Variants in TENM2 observed in about 807,000 individuals in gnomAD.
TENM2 encodes the protein teneurin-2.
In TENM2, 52 loss-of-function variants were observed where a neutral mutation model predicts 245.2. The observed-to-expected ratio is 0.21, with a 90% CI of 0.17 to 0.27. TENM2 has a LOEUF of 0.27. Ranked by LOEUF, TENM2 falls within the 10% of genes least tolerant of loss-of-function variation. The probability of loss-of-function intolerance (pLI) is 1.00; values close to 1 mark genes in which losing one functional copy is unlikely to be tolerated. For synonymous variants in TENM2, 1,363 were observed against 1,438.9 expected, an observed-to-expected ratio of 0.95 and a Z score of 1.19; for missense variants, 3,046 against 3,666.8, an observed-to-expected ratio of 0.83 and a Z score of 4.37.
chr5:168,125,225 G>A (rs1021856539), intron 11 of TENM2, among the ~76,000 whole-genome samples, 175 bp downstream of exon 13: 1 of 152,122 alleles, frequency 6.6e-6, no homozygotes. Flanking sequence ...TGTGATCTTT[G>A]AGAAACAAAC....
chr5:167,985,951 T>C (rs1180367138), intron 4 of TENM2, among the ~76,000 whole-genome samples: 1 of 152,248 alleles, frequency 6.6e-6, no homozygotes, highest in African/African-American at 2.4e-5. Context: ...CCACTCTAGA[T>C]TAGTCAAGCT....
At chr5:167,457,140 A>G (rs750137947) in intron 2 of TENM2, among the ~76,000 whole-genome samples, 8 of 152,136 alleles carry the variant, frequency 5.3e-5, no homozygotes, top group Non-Finnish European at 1.0e-4. Flanking sequence ...TATCTCTATC[A>G]GTCCCCTCTA....
chr5:167,640,477 G>A (rs1779482674), intron 2 of TENM2, among the ~76,000 whole-genome samples: 1 of 152,004 alleles, frequency 6.6e-6, no homozygotes, highest in Admixed American at 6.6e-5. Flanking sequence ...AATTAGCCAG[G>A]TGTGGTGGCA....
chr5:167,773,259 T>C (rs1763522310), intron 2 of TENM2, among the ~76,000 whole-genome samples: 2 of 152,160 alleles, frequency 1.3e-5, no homozygotes, highest in African/African-American at 4.8e-5. Flanking sequence ...TTTAAAGATA[T>C]CAAGACTTCA....
intron 2 of TENM2, among the ~76,000 whole-genome samples, chr5:167,637,105 T>C (rs1020182590): frequency 2.6e-5 from 4 of 152,168 alleles, no homozygotes; most frequent in Non-Finnish European, 5.9e-5. Context: ...ACGGCTACTG[T>C]AAATGTTAAA....
chr5:167,616,777 A>AGGG (rs1165523433), intron 2 of TENM2, among the ~76,000 whole-genome samples: 1 of 152,082 alleles, frequency 6.6e-6, no homozygotes, highest in Non-Finnish European at 1.5e-5. Context: ...ATTTACTCAA[A>AGGG]CATAAAAAGG....
At chr5:167,152,077 C>T in the TENM2 span, among the ~76,000 whole-genome samples, 5 of 152,148 alleles carry the variant, frequency 3.3e-5, no homozygotes, top group African/African-American at 1.2e-4. Flanking sequence ...AAATTTGCCA[C>T]TTTTTTGTCA....
chr5:167,427,225 C>G (rs575939559), intron 2 of TENM2, among the ~76,000 whole-genome samples: 5 of 152,086 alleles, frequency 3.3e-5, no homozygotes, highest in South Asian at 4.2e-4. Flanking sequence ...AGGCCAAGGT[C>G]GTGGATCACC....
chr5:167,991,768 G>A (rs1043667715), intron 4 of TENM2, among the ~76,000 whole-genome samples: 3 of 152,190 alleles, frequency 2.0e-5, no homozygotes, highest in African/African-American at 7.2e-5. Context: ...TCTCAGAACA[G>A]GAATCAGGAT....
chr5:167,134,644 G>A, the TENM2 span, among the ~76,000 whole-genome samples: 2 of 152,266 alleles, frequency 1.3e-5, no homozygotes, highest in South Asian at 4.1e-4. Flanking sequence ...TTATTTAGAA[G>A]TTAGAGACCT....
At chr5:168,168,787 C>G (rs1319523426) in intron 13 of TENM2, among the ~76,000 whole-genome samples, 2 of 151,822 alleles carry the variant, frequency 1.3e-5, no homozygotes, top group Non-Finnish European at 2.9e-5. Context: ...GGAGAGTTGG[C>G]TGATGTTTGT....
intron 2 of TENM2, among the ~76,000 whole-genome samples, chr5:167,558,125 C>G (rs981843994): frequency 3.9e-5 from 6 of 152,154 alleles, no homozygotes; most frequent in Non-Finnish European, 7.4e-5. Context: ...CCCGTCAGAA[C>G]AGACACTGTC....
chr5:167,894,990 G>GA (rs1421649847), intron 3 of TENM2, among the ~76,000 whole-genome samples: 41 of 136,648 alleles, frequency 3.0e-4, no homozygotes, highest in Middle Eastern at 3.6e-3. Flanking sequence ...AGGAAGGAAG[G>GA]AGGGAAGGAA....
At chr5:167,459,680 AT>A (rs1766158674) in intron 2 of TENM2, among the ~76,000 whole-genome samples, 1 of 152,096 alleles carries the variant, frequency 6.6e-6, no homozygotes. Flanking sequence ...AACACCTGTT[AT>A]TTTCTTTATT....
At position 167,506,291 on chromosome 5, in the gene TENM2, A is replaced by G. The variant is rs534287117; in HGVS notation, c.502+130818A>G. Among the ~76,000 whole-genome samples the G allele has an allele frequency of 4.6e-5, 7 of 152,328 alleles. No individual in the cohort carries two copies. In the South Asian group the frequency reaches 1.4e-3, roughly 32 times the overall value. ...TATTATACGGTCAGAACAATGAGAA[A>G]TGTGCAAATAATTTCATGCAATTGT... On this transcript the variant is annotated intron_variant, in intron 2 of 28. Coordinates refer to ENST00000518659, the Ensembl canonical transcript of TENM2.
the TENM2 span, among the ~76,000 whole-genome samples, chr5:167,116,846 A>G: frequency 9.2e-5 from 14 of 152,338 alleles, no homozygotes; most frequent in African/African-American, 2.6e-4. Context: ...ATTTCACAAC[A>G]TGTGTCTGGG....
chr5:167,675,914 A>G (rs1419560186), intron 2 of TENM2, among the ~76,000 whole-genome samples: 1 of 152,082 alleles, frequency 6.6e-6, no homozygotes, highest in Non-Finnish European at 1.5e-5. Context: ...CAGTTACTGT[A>G]CACTGCTCAG....
Position 167,631,319 on chromosome 5 carries a change from C to T in TENM2, c.503-244667C>T, listed in dbSNP as rs181606703. On this transcript the variant is annotated intron_variant, in intron 2 of 28. Coordinates refer to ENST00000518659, the Ensembl canonical transcript of TENM2. ...CGGCAGATGGTCTGGGTACAGCACA[C>T]TCACTGAGAGTGTGACATTTGAGCC... Among the ~76,000 whole-genome samples the T allele has an allele frequency of 3.9e-3, 587 of 152,266 alleles. 1 individual carries two copies. Among genetic ancestry groups the T allele is most frequent in the Non-Finnish European group, 5.0e-3 (342 of 68,024 alleles).
At chr5:167,889,628 A>C (rs560078937) in intron 3 of TENM2, among the ~76,000 whole-genome samples, 72 of 152,010 alleles carry the variant, frequency 4.7e-4, no homozygotes, top group African/African-American at 1.4e-3. Flanking sequence ...CATTCCTATC[A>C]GCGATTTTGT....
Sources: gnomAD v4.1 joint callset for allele counts (sites outside exome capture counted in the v4.1 genomes callset) on GRCh38, gnomAD v4.1.1 for gene constraint, MANE v1.5 for transcripts, NCBI Gene and HGNC (gene_info 2026-07-23, HGNC 2026-07-21) for gene names.